Variants in RGS7 observed in about 807,000 individuals in gnomAD.
RGS7 encodes the protein regulator of G protein signaling 7.
Under a neutral mutation model 81.1 loss-of-function variants are expected in RGS7, and 27 were observed. The observed-to-expected ratio is 0.33, with a 90% CI of 0.25 to 0.46. The LOEUF (loss-of-function observed/expected upper bound fraction) is 0.46. Among genes scored for constraint, RGS7 ranks in the 20% least tolerant of loss-of-function variants. The probability of loss-of-function intolerance (pLI) is 1.00; values close to 1 mark genes in which losing one functional copy is unlikely to be tolerated. For missense variants in RGS7, 396 were observed against 607.4 expected (o/e 0.65, Z 3.66); for synonymous variants, 208 against 207.7 (o/e 1.00, Z -0.01).
At chr1:241,330,129 C>T (rs983831131) in intron 2 of RGS7, among the ~76,000 whole-genome samples, 15 of 151,966 alleles carry the variant, frequency 9.9e-5, no homozygotes, top group Admixed American at 7.9e-4. Flanking sequence ...TTAGCAGAGA[C>T]GGGGTTTCAC....
At chr1:241,077,661 ACT>A (rs1558683398) in intron 3 of RGS7, among the ~76,000 whole-genome samples, 1 of 152,118 alleles carries the variant, frequency 6.6e-6, no homozygotes, top group Non-Finnish European at 1.5e-5. Context: ...CTGTTTTCAC[ACT>A]GTTATCCTTC....
At chr1:241,091,420 C>G (rs1310198572) in intron 3 of RGS7, among the ~76,000 whole-genome samples, 2 of 151,812 alleles carry the variant, frequency 1.3e-5, no homozygotes, top group Admixed American at 6.6e-5. Flanking sequence ...TGGTGGCAGG[C>G]ACCTGTAGTC....
chr1:241,300,256 T>G (rs1285442972), intron 2 of RGS7, among the ~76,000 whole-genome samples: 2 of 152,186 alleles, frequency 1.3e-5, no homozygotes, highest in South Asian at 2.1e-4. Context: ...TTTATTACAA[T>G]CAACAAACCT....
At chr1:240,788,193 A>C (rs1685386401) in intron 18 of RGS7, among the ~76,000 whole-genome samples, 1 of 152,244 alleles carries the variant, frequency 6.6e-6, no homozygotes, top group African/African-American at 2.4e-5. Flanking sequence ...TCACAGAAGT[A>C]TCTTTTTCTT....
At chr1:241,119,716 T>C (rs990457973) in intron 2 of RGS7, among the ~76,000 whole-genome samples, 2 of 152,196 alleles carry the variant, frequency 1.3e-5, no homozygotes, top group African/African-American at 4.8e-5. Context: ...ATTGGAAAGC[T>C]CCCAGGCTCA....
chr1:241,053,703 G>A (rs1387165443), intron 3 of RGS7, among the ~76,000 whole-genome samples: 1 of 152,154 alleles, frequency 6.6e-6, no homozygotes, highest in Non-Finnish European at 1.5e-5. Context: ...ATCTTGAATT[G>A]TAGCTCCCGT....
chr1:241,207,928 T>C (rs1386265323), intron 2 of RGS7, among the ~76,000 whole-genome samples: 1 of 152,122 alleles, frequency 6.6e-6, no homozygotes, highest in Non-Finnish European at 1.5e-5. Flanking sequence ...TTCTTTGAGA[T>C]GGAATCTCCC....
chr1:241,323,561 C>A (rs12755690), intron 2 of RGS7, among the ~76,000 whole-genome samples: 1 of 152,020 alleles, frequency 6.6e-6, no homozygotes, highest in African/African-American at 2.4e-5. Context: ...AAACTCTGGA[C>A]TAGGAAATCA....
At position 241,144,737 on chromosome 1, in the gene RGS7, C is replaced by T. The variant is rs570183917; in HGVS notation, c.79-45975G>A. The stretch of plus-strand genomic sequence containing the variant: ...CGGCAGCAACAAGCCTGCAGCACAG[C>T]GCTACCAGCCAGCTAGCCAACCCCA... On this transcript the variant is annotated intron_variant, in intron 2 of 18. Transcript: ENST00000440928. The surrounding 1 kb of genome is among the most constrained non-coding windows in gnomAD (Gnocchi z 4.7). Among the ~76,000 whole-genome samples the T allele has an allele frequency of 5.3e-4, 80 of 152,290 alleles. No homozygotes were observed. The highest frequency in any genetic ancestry group is 4.8e-3 in the Admixed American group (74 of 15,312).
At chr1:240,818,735 A>G (rs187246960) in intron 10 of RGS7, among the ~76,000 whole-genome samples, 3 of 152,330 alleles carry the variant, frequency 2.0e-5, no homozygotes, top group Admixed American at 1.3e-4. Flanking sequence ...TGTGGAATAT[A>G]AAAAAGCTAA....
chr1:241,165,522 T>C (rs951272038), intron 2 of RGS7, among the ~76,000 whole-genome samples: 12 of 150,314 alleles, frequency 8.0e-5, no homozygotes, highest in Non-Finnish European at 1.6e-4. Context: ...CAGTAAACTA[T>C]CGCAAGAACA....
At chr1:241,208,946 C>T (rs2074084148) in intron 2 of RGS7, among the ~76,000 whole-genome samples, 1 of 152,162 alleles carries the variant, frequency 6.6e-6, no homozygotes, top group Non-Finnish European at 1.5e-5. Context: ...CGGACAGAAA[C>T]CTATCAGCGC....
intron 2 of RGS7, among the ~76,000 whole-genome samples, chr1:241,279,183 T>C (rs1415142758): frequency 6.6e-6 from 1 of 151,720 alleles, no homozygotes; most frequent in East Asian, 1.9e-4. Flanking sequence ...TACATAGTAA[T>C]ACACTGGAGA....
chr1:241,190,147 A>T (rs1033165643), intron 2 of RGS7, among the ~76,000 whole-genome samples: 1 of 152,084 alleles, frequency 6.6e-6, no homozygotes, highest in African/African-American at 2.4e-5. Flanking sequence ...ATACTTCCAC[A>T]CCATCTATTG....
intron 18 of RGS7, among the ~76,000 whole-genome samples, chr1:240,778,778 C>T (rs529146821): frequency 1.1e-4 from 17 of 152,288 alleles, no homozygotes; most frequent in South Asian, 1.0e-3. Context: ...GTGATCCACC[C>T]GCCTTGGCCT....
At chr1:241,217,014 A>C (rs2074600991) in intron 2 of RGS7, among the ~76,000 whole-genome samples, 1 of 152,216 alleles carries the variant, frequency 6.6e-6, no homozygotes, top group Admixed American at 6.5e-5. Flanking sequence ...GGTGTTGTAG[A>C]ATGAACATTT....
At position 240,916,835 on chromosome 1, in the gene RGS7, A is replaced by G. The variant is rs560912214; in HGVS notation, c.385+13882T>C. 4.6e-5 allele frequency among the ~76,000 whole-genome samples: 7 copies of G among 152,322 alleles called. No homozygotes were observed. The East Asian group carries it at 1.4e-3, about 29-fold the overall frequency. The stretch of plus-strand genomic sequence containing the variant: ...ATAATAAATTTCTATTGTCTAAGCC[A>G]TACAGTCTGTTATATTTTGTTATGG... On this transcript the variant is annotated intron_variant, in intron 6 of 18. Transcript: ENST00000440928.
At chr1:241,214,724 G>T (rs1031203942) in intron 2 of RGS7, among the ~76,000 whole-genome samples, 5 of 151,938 alleles carry the variant, frequency 3.3e-5, no homozygotes, top group African/African-American at 1.2e-4. Flanking sequence ...CTCATTTTAG[G>T]TAATTTCTAT....
At chr1:241,022,122 C>CATTATTCCTTATAATAGCCCT (rs2059567773) in intron 3 of RGS7, among the ~76,000 whole-genome samples, 1 of 152,204 alleles carries the variant, frequency 6.6e-6, no homozygotes, top group South Asian at 2.1e-4. Context: ...TTCAAAACCT[C>CATTATTCCTTATAATAGCCCT]ATTATTCCTT....
Sources: allele counts gnomAD v4.1 joint callset (sites outside exome capture counted in the v4.1 genomes callset), GRCh38; gene constraint gnomAD v4.1.1; non-coding constraint Gnocchi (gnomAD v3.1); transcripts MANE v1.5; gene names NCBI Gene and HGNC (gene_info 2026-07-23, HGNC 2026-07-21).